The following RRM2 variants were observed in gnomAD, a reference collection of about 807,000 sequenced individuals.
RRM2 encodes the protein ribonucleotide reductase regulatory subunit M2.
RRM2 carries 6 observed loss-of-function variants against 45.9 expected under a neutral mutation model. That is an observed-to-expected ratio of 0.13 (90% CI 0.07 to 0.26). The LOEUF is 0.26. Ranked by LOEUF, RRM2 falls within the 10% of genes least tolerant of loss-of-function variation. The pLI, the probability that RRM2 is intolerant of heterozygous loss-of-function variation, is 1.00. For missense variants in RRM2, 343 were observed against 489.5 expected, an observed-to-expected ratio of 0.70 and a Z score of 2.82; for synonymous variants, 177 against 173.0, an observed-to-expected ratio of 1.02 and a Z score of -0.18.
At chr2:10,190,523 G>A (rs1413944410) in intron 3 of RRM2, among the ~76,000 whole-genome samples, 2 of 150,634 alleles carry the variant, frequency 1.3e-5, no homozygotes, top group Non-Finnish European at 3.0e-5. Flanking sequence ...TAATGACGGT[G>A]GTAATGATGG....
rs1458922067 is a variant in RRM2, at chr2:10,204,689, G to A, written n.483-5622G>A. 6.6e-6 allele frequency among the ~76,000 whole-genome samples: 1 copy of A among 152,242 alleles called. No homozygotes were observed. The highest frequency in any genetic ancestry group is 1.9e-4 in the East Asian group (1 of 5,192). On this transcript the variant is annotated intron_variant and non_coding_transcript_variant, in intron 3 of 3. Coordinates refer to the RRM2 transcript ENST00000381786. The surrounding 1 kb of genome is among the most constrained non-coding windows in gnomAD (Gnocchi z 4.0). ...GCCTGGCTTTTGTGAACACGTCTGCGCTGACTAATTTGTTTAATTACTCAT... is the reference window on the plus strand; with the variant it reads ...GCCTGGCTTTTGTGAACACGTCTGCACTGACTAATTTGTTTAATTACTCAT...
downstream of RRM2, among the ~76,000 whole-genome samples, chr2:10,132,580 C>T (rs1662921825): frequency 6.6e-6 from 1 of 152,120 alleles, no homozygotes; most frequent in African/African-American, 2.4e-5. Flanking sequence ...ATAAGGCCTC[C>T]AAGGATCAGG....
chr2:10,142,955 G>C (rs7421873), intron 3 of RRM2, among the ~76,000 whole-genome samples: 1 of 152,200 alleles, frequency 6.6e-6, no homozygotes, highest in Admixed American at 6.5e-5. Flanking sequence ...CTCACTACAA[G>C]CTCTGCCTCC....
upstream of RRM2, among the ~76,000 whole-genome samples, chr2:10,138,524 A>G (rs1329499989): frequency 6.6e-6 from 1 of 151,982 alleles, no homozygotes; most frequent in East Asian, 1.9e-4. Flanking sequence ...GCTGGTCTCG[A>G]ACTCCTGACC....
intron 3 of RRM2, among the ~76,000 whole-genome samples, chr2:10,197,159 T>C (rs1031467851): frequency 6.6e-6 from 1 of 152,358 alleles, no homozygotes; most frequent in Admixed American, 6.5e-5. Flanking sequence ...ACTCAGCCTC[T>C]GAGCCTCAAC....
intron 3 of RRM2, among the ~76,000 whole-genome samples, chr2:10,163,485 G>A (rs745968770): frequency 3.3e-5 from 5 of 152,238 alleles, no homozygotes; most frequent in Admixed American, 3.3e-4. Context: ...CCTCAGTCCA[G>A]TGAGGGTTGG....
chr2:10,143,796 TAGCTGGGACTACAGGTGTGCACCAC>T (rs1196784263), intron 3 of RRM2, among the ~76,000 whole-genome samples: 1 of 152,164 alleles, frequency 6.6e-6, no homozygotes, highest in African/African-American at 2.4e-5. Flanking sequence ...GCCTCTCGAG[TAGCTGGGACTACAGGTGTGCACCAC>T]CGTGTCCAGC....
intron 3 of RRM2, among the ~76,000 whole-genome samples, chr2:10,189,861 G>C (rs962376797): frequency 6.6e-6 from 1 of 152,232 alleles, no homozygotes; most frequent in Non-Finnish European, 1.5e-5. Flanking sequence ...CCCAGAGCCT[G>C]GCACATAGTG....
At chr2:10,177,807 A>C (rs893394830) in intron 3 of RRM2, among the ~76,000 whole-genome samples, 3 of 150,726 alleles carry the variant, frequency 2.0e-5, no homozygotes, top group African/African-American at 7.3e-5. Context: ...TTTTTACTGG[A>C]GATGAGGCTT....
At chr2:10,161,804 T>C (rs1266615996) in intron 3 of RRM2, among the ~76,000 whole-genome samples, 1 of 152,222 alleles carries the variant, frequency 6.6e-6, no homozygotes, top group African/African-American at 2.4e-5. Context: ...CATGGGAAGC[T>C]GATTCAGAGA....
Position 10,142,454 on chromosome 2 carries a change from T to C in RRM2, n.482+79T>C, listed in dbSNP as rs1033450468. 7 of 1,326,508 alleles carry C rather than the reference T, an allele frequency of 5.3e-6. 1 individual carries two copies. In the Middle Eastern group the frequency reaches 6.7e-4, roughly 127 times the overall value. The allele number at this position is 1,326,508 out of a possible 1,614,324, so 82.2% of individuals were successfully genotyped here. A position where few individuals can be genotyped will look rare whatever the true frequency, so the allele number is the denominator to read the frequency against. On this transcript the variant is annotated intron_variant and non_coding_transcript_variant, in intron 3 of 3. Transcript: ENST00000381786. The stretch of plus-strand genomic sequence containing the variant: ...GGCTTGCGGGGCCTGTCATCTGCTG[T>C]TTCCTAGCTCAGTGTACAGGGCCCC...
chr2:10,181,439 ATTTT>A (rs1324720886), intron 3 of RRM2, among the ~76,000 whole-genome samples: 2 of 152,110 alleles, frequency 1.3e-5, no homozygotes, highest in African/African-American at 4.8e-5. Flanking sequence ...TTACATGTGT[ATTTT>A]TATTTCTAGT....
chr2:10,126,713 T>G (rs1301697908), intron 5 of RRM2, 162 bp from the exon 6 acceptor site: 1 of 647,590 alleles, frequency 1.5e-6, no homozygotes, highest in Non-Finnish European at 2.7e-6. Flanking sequence ...AGGGAAAAAC[T>G]GACCAGTAAA....
rs1420877452 is a variant in RRM2 at position 10,169,162 on chromosome 2, T to G, written n.482+26787T>G. Among the ~76,000 whole-genome samples the G allele has an allele frequency of 1.4e-5, 2 of 147,418 alleles. No homozygotes were observed. The highest frequency in any genetic ancestry group is 3.0e-5 in the Non-Finnish European group (2 of 67,026). On this transcript the variant is annotated intron_variant and non_coding_transcript_variant, in intron 3 of 3. Transcript: ENST00000381786. This position sits in a 1 kb window ranked among gnomAD's most constrained non-coding sequence, Gnocchi z 5.1. Reference sequence around the variant, plus strand: ...TACTTTTTGTATTTTTTTTTTTTTTTGTAGAGATGGGGTCTCACAGTGTTG... The same window carrying G: ...TACTTTTTGTATTTTTTTTTTTTTTGGTAGAGATGGGGTCTCACAGTGTTG...
chr2:10,187,602 A>C (rs55642251), intron 3 of RRM2, among the ~76,000 whole-genome samples: 49,992 of 151,928 alleles, frequency 0.33, 9,489 homozygotes, highest in Non-Finnish European at 0.44. Context: ...AAGGCAGGGG[A>C]TCTGGCCCCA....
At chr2:10,138,693 C>T (rs1663031303), upstream of RRM2, among the ~76,000 whole-genome samples, 4 of 152,330 alleles carry the variant, frequency 2.6e-5, no homozygotes, top group South Asian at 8.3e-4. Context: ...CTCTCAGCCT[C>T]AGTTTCCACA....
Position 10,129,171 on chromosome 2 carries a change from A to C in RRM2, c.1017+17A>C, listed in dbSNP as rs1385201582. 1 of 1,613,824 alleles carries C rather than the reference A, an allele frequency of 6.2e-7. No homozygotes were observed. The highest frequency in any genetic ancestry group is 1.1e-5 in the South Asian group (1 of 91,082). On this transcript the variant is annotated intron_variant, in intron 9 of 9. Coordinates refer to ENST00000304567, the MANE Select transcript of RRM2 (RefSeq NM_001034.4). This position sits in a 1 kb window ranked among gnomAD's most constrained non-coding sequence, Gnocchi z 4.8. Reference sequence around the variant, plus strand: ...TTTAGCAAGGTAAAGTATTGTTTACATAGCCTTTTGCTTGTTTTGAAGCTG... The same window carrying C: ...TTTAGCAAGGTAAAGTATTGTTTACCTAGCCTTTTGCTTGTTTTGAAGCTG...
intron 3 of RRM2, among the ~76,000 whole-genome samples, chr2:10,148,143 CAAA>C (rs374826185): frequency 8.4e-6 from 1 of 119,566 alleles, no homozygotes; most frequent in South Asian, 2.9e-4. Flanking sequence ...GACCCTGACT[CAAA>C]AAAAAAAAAA....
intron 3 of RRM2, among the ~76,000 whole-genome samples, chr2:10,188,621 C>T (rs141748256): frequency 6.6e-6 from 1 of 152,152 alleles, no homozygotes; most frequent in Non-Finnish European, 1.5e-5. Flanking sequence ...TTTCCTTGGG[C>T]CTCTCAGCTC....
Sources: gnomAD v4.1 joint callset for allele counts (sites outside exome capture counted in the v4.1 genomes callset) on GRCh38, gnomAD v4.1.1 for gene constraint, Gnocchi (gnomAD v3.1) non-coding constraint, MANE v1.5 for transcripts, NCBI Gene and HGNC (gene_info 2026-07-23, HGNC 2026-07-21) for gene names.